Variants in MECOM observed in about 807,000 individuals in gnomAD.
MECOM encodes the protein MDS1 and EVI1 complex locus.
Under a neutral mutation model 116.3 loss-of-function variants are expected in MECOM, and 13 were observed. The observed-to-expected ratio is 0.11, with a 90% confidence interval of 0.07 to 0.18. MECOM has a LOEUF of 0.18. Ranked by LOEUF, MECOM falls within the 10% of genes least tolerant of loss-of-function variation. The pLI is 1.00. For synonymous variants in MECOM, 528 were observed against 535.2 expected (o/e 0.99, Z 0.19); for missense variants, 1,299 against 1,509.0 (o/e 0.86, Z 2.31).
chr3:169,295,049 T>A (rs1715336907), intron 2 of MECOM, among the ~76,000 whole-genome samples: 1 of 152,196 alleles, frequency 6.6e-6, no homozygotes, highest in Non-Finnish European at 1.5e-5. Context: ...TCTATCTTAA[T>A]GTTACGTAAA....
chr3:169,394,253 G>A (rs1283000137), intron 1 of MECOM, among the ~76,000 whole-genome samples: 1 of 151,996 alleles, frequency 6.6e-6, no homozygotes, highest in African/African-American at 2.4e-5. Flanking sequence ...CACCATGAGG[G>A]GGTCACAAAA....
chr3:169,389,553 C>T (rs139391901), intron 1 of MECOM: 1 of 985,400 alleles, frequency 1.0e-6, no homozygotes, highest in African/African-American at 1.7e-5. Context: ...TTTTAGCAAC[C>T]TCTGATGGAC....
chr3:169,284,571 GCACACACACACA>G (rs113527440), intron 2 of MECOM, among the ~76,000 whole-genome samples: 12 of 146,964 alleles, frequency 8.2e-5, no homozygotes, highest in South Asian at 6.6e-4. Flanking sequence ...GTATATGAGC[GCACACACACACA>G]CACACACACA....
At chr3:169,376,359 T>C (rs1731040252) in intron 2 of MECOM, among the ~76,000 whole-genome samples, 1 of 152,006 alleles carries the variant, frequency 6.6e-6, no homozygotes, top group African/African-American at 2.4e-5. Context: ...AAATAAAGAG[T>C]ATTCAAATAA....
chr3:169,098,503 A>G (rs73166193), intron 12 of MECOM, among the ~76,000 whole-genome samples: 9,592 of 152,314 alleles, frequency 0.063, 446 homozygotes, highest in South Asian at 0.2. Flanking sequence ...TCAAGGGTAC[A>G]TGATGCTGAC....
chr3:169,251,132 A>G (rs1047462427), intron 2 of MECOM, among the ~76,000 whole-genome samples: 1 of 152,240 alleles, frequency 6.6e-6, no homozygotes, highest in African/African-American at 2.4e-5. Context: ...TCTATTCTTA[A>G]GAAAAGAGTA....
intron 2 of MECOM, among the ~76,000 whole-genome samples, chr3:169,285,139 T>G (rs1028847327): frequency 2.6e-5 from 4 of 152,188 alleles, no homozygotes; most frequent in African/African-American, 9.6e-5. Context: ...AATTCCTCTC[T>G]ACCTAACTCC....
intron 1 of MECOM, among the ~76,000 whole-genome samples, chr3:169,662,247 C>A (rs1461581277): frequency 2.6e-5 from 4 of 152,154 alleles, no homozygotes; most frequent in Non-Finnish European, 4.4e-5. Flanking sequence ...AGGCAGGGGG[C>A]GCCGGGGAGG....
At chr3:169,480,511 T>TCTTTAGTCA (rs1361185033) in intron 1 of MECOM, among the ~76,000 whole-genome samples, 4 of 152,094 alleles carry the variant, frequency 2.6e-5, no homozygotes, top group African/African-American at 9.7e-5. Flanking sequence ...TTTTCTCATC[T>TCTTTAGTCA]CTTTAGTCAC....
intron 2 of MECOM, among the ~76,000 whole-genome samples, chr3:169,277,273 A>C (rs1190171326): frequency 1.3e-5 from 2 of 152,216 alleles, no homozygotes; most frequent in African/African-American, 4.8e-5. Context: ...CTCCGTAAGC[A>C]CAGGAGGAGC....
chr3:169,223,525 A>C (rs1752380119), intron 2 of MECOM, among the ~76,000 whole-genome samples: 1 of 151,998 alleles, frequency 6.6e-6, no homozygotes, highest in Non-Finnish European at 1.5e-5. Flanking sequence ...GGAGGTTTGA[A>C]GATAAAGTAA....
chr3:169,371,217 A>G (rs1351595112), intron 2 of MECOM, among the ~76,000 whole-genome samples: 1 of 152,004 alleles, frequency 6.6e-6, no homozygotes, highest in South Asian at 2.1e-4. Context: ...GACAATGTGG[A>G]CAAACCTGGA....
At chr3:169,105,343 T>A (rs914247607) in intron 10 of MECOM, among the ~76,000 whole-genome samples, 1 of 152,156 alleles carries the variant, frequency 6.6e-6, no homozygotes, top group Non-Finnish European at 1.5e-5. Flanking sequence ...TAACACGAAC[T>A]CTATTGAGTG....
chr3:169,555,704 A>G (rs945420401), intron 1 of MECOM, among the ~76,000 whole-genome samples: 4 of 152,196 alleles, frequency 2.6e-5, no homozygotes, highest in African/African-American at 9.7e-5. Flanking sequence ...GGTTACCTCC[A>G]GCTCCCAAGA....
chr3:169,178,260 A>AAAGAT (rs1745466402), intron 2 of MECOM, among the ~76,000 whole-genome samples: 1 of 152,246 alleles, frequency 6.6e-6, no homozygotes, highest in Admixed American at 6.5e-5. Context: ...AAGAATTTGC[A>AAAGAT]GGAGCCAGAT....
intron 2 of MECOM, among the ~76,000 whole-genome samples, chr3:169,290,080 C>CCTTAAGTATAA (rs1714205265): frequency 1.3e-5 from 2 of 152,070 alleles, no homozygotes; most frequent in African/African-American, 4.8e-5. Flanking sequence ...AGTATATCAG[C>CCTTAAGTATAA]CCCGATACTA....
At chr3:169,237,806 T>C (rs1332344816) in intron 2 of MECOM, among the ~76,000 whole-genome samples, 1 of 152,146 alleles carries the variant, frequency 6.6e-6, no homozygotes, top group Non-Finnish European at 1.5e-5. Context: ...CCATACTATT[T>C]AACCATTTAA....
At chr3:169,240,546 G>T (rs994995417) in intron 2 of MECOM, among the ~76,000 whole-genome samples, 2 of 152,182 alleles carry the variant, frequency 1.3e-5, no homozygotes, top group African/African-American at 4.8e-5. Flanking sequence ...TTAAAATGAT[G>T]TGTCCTCTTT....
intron 1 of MECOM, among the ~76,000 whole-genome samples, chr3:169,382,849 C>CAAAAAAAAAAAAAAAAAAAAAAAAA (rs1157852145): frequency 4.2e-5 from 2 of 47,160 alleles, no homozygotes; most frequent in African/African-American, 1.8e-4. Context: ...AAGCCCATCT[C>CAAAAAAAAAAAAAAAAAAAAAAAAA]AAAAAAAAAA....
Sources: allele counts gnomAD v4.1 joint callset (sites outside exome capture counted in the v4.1 genomes callset), GRCh38; gene constraint gnomAD v4.1.1; transcripts MANE v1.5; gene names NCBI Gene and HGNC (gene_info 2026-07-23, HGNC 2026-07-21).